Variants in KLHL36 observed in about 807,000 individuals in gnomAD.
KLHL36 encodes the protein kelch-like protein 36.
Under a neutral mutation model 53.3 loss-of-function variants are expected in KLHL36, and 35 were observed. The ratio of observed to expected loss-of-function variants is 0.66; its 90% CI spans 0.50 to 0.87. The LOEUF is 0.87. Among genes scored for constraint, KLHL36 ranks in the 40% least tolerant of loss-of-function variants. The probability of loss-of-function intolerance (pLI) is 0.00; values close to 1 mark genes in which losing one functional copy is unlikely to be tolerated. For missense variants in KLHL36, 864 were observed against 897.6 expected (o/e 0.96, Z 0.48); for synonymous variants, 472 against 398.9 (o/e 1.18, Z -2.18).
chr16:84,652,952 T>C (rs1308457911), intron 2 of KLHL36, among the ~76,000 whole-genome samples: 1 of 152,158 alleles, frequency 6.6e-6, no homozygotes, highest in Non-Finnish European at 1.5e-5. Context: ...GCACAGTGGC[T>C]CACGCCTGTA....
chr16:84,661,342 G>C lies in KLHL36; in HGVS notation c.1296-236G>C, dbSNP rs574552510. Among the ~76,000 whole-genome samples, 225 of 152,308 alleles carry C rather than the reference G, an allele frequency of 1.5e-3. No individual in the cohort carries two copies. The highest frequency in any genetic ancestry group is 3.0e-3 in the Non-Finnish European group (202 of 68,032). ...ATGGGGCAAGGGAGACTCAGAGAGA[G>C]TGAAGCTGGGTTCTGGCCCAGGCGG... On this transcript the variant is annotated intron_variant, in intron 4 of 4. Coordinates refer to ENST00000564996, the MANE Select transcript of KLHL36 (RefSeq NM_024731.4). The surrounding 1 kb of genome is among the most constrained non-coding windows in gnomAD (Gnocchi z 7.9).
Position 84,657,373 on chromosome 16 carries a change from C to T in KLHL36, c.566C>T (p.Ser189Phe), listed in dbSNP as rs1423150742. 1 of 1,610,668 alleles carries T rather than the reference C, an allele frequency of 6.2e-7. No individual in the cohort carries two copies. The highest frequency in any genetic ancestry group is 1.7e-5 in the Admixed American group (1 of 60,030). The change falls in exon 3 of 5, where the codon TCC becomes TTC. Residue 189 changes from serine (S) to phenylalanine (F), a missense_variant. Coordinates refer to ENST00000564996, the MANE Select transcript of KLHL36 (RefSeq NM_024731.4). Reference protein sequence around the residue: ...SFTPDFLQNVSMQKLCVYLSS... With the variant: ...SFTPDFLQNVFMQKLCVYLSS... ...ACGCCCGACTTCCTGCAGAACGTCT[C>T]CATGCAGAAGCTGTGTGTCTACCTG...
chr16:84,659,474 G>A lies in KLHL36; in HGVS notation c.1138-286G>A, dbSNP rs192126040. On this transcript the variant is annotated intron_variant, in intron 3 of 4. Transcript: ENST00000564996. ...GTGACCACAGAGTTCCCATCCACGC[G>A]GCTAACGACATGACCAGAGAAGTTC... 5.7e-5 allele frequency: 21 copies of A among 365,404 alleles called. 1 individual carries two copies. In the Admixed American group the frequency reaches 6.6e-4, roughly 11 times the overall value. The allele number at this position is 365,404 out of a possible 1,614,324, so 22.6% of individuals were successfully genotyped here. A position where few individuals can be genotyped will look rare whatever the true frequency, so the allele number is the denominator to read the frequency against.
rs1055042422 is a variant in KLHL36 at position 84,663,044 on chromosome 16, G to T, written c.*911G>T. 3.3e-5 allele frequency: 5 copies of T among 151,604 alleles called. No individual in the cohort carries two copies. The highest frequency in any genetic ancestry group is 1.5e-5 in the Non-Finnish European group (1 of 67,974). 9.4% of individuals were successfully genotyped at this position (151,604 alleles called of 1,614,324 possible). A position where few individuals can be genotyped will look rare whatever the true frequency, so the allele number is the denominator to read the frequency against. ...ATTTCTCAGGAAAGAAAAAGTGAGT[G>T]CTATGGAATTTGCCATCGTTCTCTG... On this transcript the variant is annotated 3_prime_UTR_variant, in exon 5 of 5. Transcript: ENST00000564996.
Position 84,656,897 on chromosome 16 carries a change from C to T in KLHL36, c.90C>T (p.Ser30=). The part of the protein sequence containing the change: ...SKVYRWADHS[S]TVLQRLNEQR... ...TATACCGCTGGGCCGACCACTCAAGCACGGTGCTGCAGCGGCTGAACGAGC... is the reference window on the plus strand; with the variant it reads ...TATACCGCTGGGCCGACCACTCAAGTACGGTGCTGCAGCGGCTGAACGAGC... Residue 30 remains serine (S), a synonymous_variant, in exon 3 of 5, where the codon AGC becomes AGT. Coordinates refer to ENST00000564996, the MANE Select transcript of KLHL36 (RefSeq NM_024731.4). 2.5e-6 allele frequency: 4 copies of T among 1,611,560 alleles called. No homozygotes were observed. The highest frequency in any genetic ancestry group is 1.1e-5 in the South Asian group (1 of 90,982).
chr16:84,659,784 G>A lies in KLHL36; in HGVS notation c.1162G>A (p.Val388Met). ...IKVASMNQRRVDFYLASIEDM... is the reference protein window; with the variant it reads ...IKVASMNQRRMDFYLASIEDM... The stretch of plus-strand genomic sequence containing the variant: ...GGTGGCCTCCATGAACCAGCGCCGT[G>A]TGGATTTCTACCTTGCCTCCATCGA... The change falls in exon 4 of 5, where the codon GTG becomes ATG. Residue 388 changes from valine (V) to methionine (M), a missense_variant. Val to Met is a conservative substitution (Grantham distance 21, BLOSUM62 1). Transcript: ENST00000564996. 6.2e-7 allele frequency: 1 copy of A among 1,614,182 alleles called. No individual in the cohort carries two copies. The highest frequency in any genetic ancestry group is 1.1e-5 in the South Asian group (1 of 91,082).
rs1416108132 is a variant in KLHL36, at chr16:84,662,983, T to C, written c.*850T>C. ...TTTTTTTTTCTGAACCCACTGTCTTTTATATTACTGATGTACTGAGCTCCC... is the reference window on the plus strand; with the variant it reads ...TTTTTTTTTCTGAACCCACTGTCTTCTATATTACTGATGTACTGAGCTCCC... On this transcript the variant is annotated 3_prime_UTR_variant, in exon 5 of 5. Transcript: ENST00000564996. 6.6e-6 allele frequency: 1 copy of C among 152,100 alleles called. No homozygotes were observed. Among genetic ancestry groups the C allele is most frequent in the Non-Finnish European group, 1.5e-5 (1 of 68,002 alleles). 9.4% of individuals were successfully genotyped at this position (152,100 alleles called of 1,614,324 possible).
intron 1 of KLHL36, among the ~76,000 whole-genome samples, chr16:84,649,981 C>CA: frequency 6.9e-6 from 1 of 145,084 alleles, no homozygotes; most frequent in East Asian, 2.0e-4. Flanking sequence ...CCCCGCCCCC[C>CA]ACACACCAAA....
At chr16:84,659,726 G>C in intron 3 of KLHL36, 34 bp from the exon 4 acceptor site, 1 of 1,605,150 alleles carries the variant, frequency 6.2e-7, no homozygotes, top group Non-Finnish European at 8.5e-7. Context: ...CCCGGGTTCG[G>C]GGAAGGGAAG....
At chr16:84,651,462 T>C (rs1906873649) in intron 2 of KLHL36, among the ~76,000 whole-genome samples, 2 of 152,322 alleles carry the variant, frequency 1.3e-5, no homozygotes, top group East Asian at 3.9e-4. Flanking sequence ...TGTAGCCTGT[T>C]CCCACCAGCC....
In KLHL36 at chr16:84,661,470, C is replaced by A; in HGVS notation, c.1296-108C>A. 1 of 1,155,026 alleles carries A rather than the reference C, an allele frequency of 8.7e-7. No homozygotes were observed. The highest frequency in any genetic ancestry group is 1.2e-6 in the Non-Finnish European group (1 of 816,392). The allele number at this position is 1,155,026 out of a possible 1,614,324, so 71.5% of individuals were successfully genotyped here. On this transcript the variant is annotated intron_variant, in intron 4 of 4. Coordinates refer to ENST00000564996, the MANE Select transcript of KLHL36 (RefSeq NM_024731.4). The surrounding 1 kb of genome is among the most constrained non-coding windows in gnomAD (Gnocchi z 7.9). ...TCATGGGGTGCCCACTCCCTATATT[C>A]TTAAATCCTCATGGCCCTCTAAGAC... is the stretch of plus-strand genomic sequence containing the variant.
chr16:84,659,929 C>G lies in KLHL36; in HGVS notation c.1295+12C>G. ...GCCGGCTTGCCAAGGTGATCTGGGGCTTGGTGGAAGGTTCTCCAAATGGGA... is the reference window on the plus strand; with the variant it reads ...GCCGGCTTGCCAAGGTGATCTGGGGGTTGGTGGAAGGTTCTCCAAATGGGA... On this transcript the variant is annotated intron_variant, in intron 4 of 4. Transcript: ENST00000564996. 6.3e-7 allele frequency: 1 copy of G among 1,599,484 alleles called. No individual in the cohort carries two copies. The highest frequency in any genetic ancestry group is 8.6e-7 in the Non-Finnish European group (1 of 1,168,350).
At chr16:84,656,301 GC>G (rs1907195248) in intron 2 of KLHL36, among the ~76,000 whole-genome samples, 1 of 143,818 alleles carries the variant, frequency 7.0e-6, no homozygotes, top group Non-Finnish European at 1.5e-5. Flanking sequence ...CGGAGTTCTT[GC>G]TCTGTCTCCC....
Position 84,648,709 on chromosome 16 carries a change from G to A in KLHL36, c.-17+60G>A, listed in dbSNP as rs1264303400. 6.8e-6 allele frequency: 1 copy of A among 148,050 alleles called. No homozygotes were observed. The highest frequency in any genetic ancestry group is 2.0e-4 in the South Asian group (1 of 4,914). The allele number at this position is 148,050 out of a possible 1,614,324, so 9.2% of individuals were successfully genotyped here. On this transcript the variant is annotated intron_variant, in intron 1 of 4. Coordinates refer to ENST00000564996, the MANE Select transcript of KLHL36 (RefSeq NM_024731.4). This position sits in a 1 kb window ranked among gnomAD's most constrained non-coding sequence, Gnocchi z 4.9. ...GACCGCCAGGAAGCCGCGCCCGGCCGGGGCGGGGAGCTGGCGGAGATCGGG... is the reference window on the plus strand; with the variant it reads ...GACCGCCAGGAAGCCGCGCCCGGCCAGGGCGGGGAGCTGGCGGAGATCGGG...
rs1442907652 is a variant in KLHL36 at position 84,648,516 on chromosome 16, C to T, written c.-150C>T. On this transcript the variant is annotated 5_prime_UTR_variant, in exon 1 of 5. Coordinates refer to ENST00000564996, the MANE Select transcript of KLHL36 (RefSeq NM_024731.4). This position sits in a 1 kb window ranked among gnomAD's most constrained non-coding sequence, Gnocchi z 4.9. ...CCGCGCGCGCCGCCTCCGCCCTCGG[C>T]CTCGCACTTCCTGGCGGAGCCATGG... 1 of 147,298 alleles carries T rather than the reference C, an allele frequency of 6.8e-6. No individual in the cohort carries two copies. Among genetic ancestry groups the T allele is most frequent in the Admixed American group, 6.8e-5 (1 of 14,752 alleles). The allele number at this position is 147,298 out of a possible 1,614,324, so 9.1% of individuals were successfully genotyped here. A position where few individuals can be genotyped will look rare whatever the true frequency, so the allele number is the denominator to read the frequency against.
chr16:84,654,905 C>T (rs1379765118), intron 2 of KLHL36, among the ~76,000 whole-genome samples: 2 of 152,170 alleles, frequency 1.3e-5, no homozygotes, highest in South Asian at 2.1e-4. Context: ...CCACCACGCC[C>T]GGCTGAGCCT....
chr16:84,651,594 G>A (rs573345541), intron 2 of KLHL36, among the ~76,000 whole-genome samples: 23 of 152,146 alleles, frequency 1.5e-4, no homozygotes, highest in South Asian at 2.1e-4. Context: ...CTGTTTCCCC[G>A]TTATAAATAT....
At chr16:84,650,990 G>T in intron 2 of KLHL36, 60 bp downstream of exon 2, 2 of 1,357,054 alleles carry the variant, frequency 1.5e-6, no homozygotes, top group South Asian at 1.3e-5. Flanking sequence ...TCCTTTTTCT[G>T]ATTCACTCAT....
Position 84,657,334 on chromosome 16 carries a change from G to A in KLHL36, c.527G>A (p.Gly176Asp), listed in dbSNP as rs1367916597. 2 of 1,613,252 alleles carry A rather than the reference G, an allele frequency of 1.2e-6. No homozygotes were observed. Among genetic ancestry groups the A allele is most frequent in the Non-Finnish European group, 1.7e-6 (2 of 1,180,020 alleles). The part of the protein sequence containing the change: ...FIDGFILNHF[G>D]TLSFTPDFLQ... ...GATGGCTTCATCCTGAACCACTTCG[G>A]CACGCTGTCCTTTACGCCCGACTTC... Residue 176 changes from glycine to aspartate, a missense_variant, in exon 3 of 5, where the codon GGC (glycine) becomes GAC (aspartate). Gly to Asp is a moderately conservative substitution (Grantham distance 94). Coordinates refer to ENST00000564996, the MANE Select transcript of KLHL36 (RefSeq NM_024731.4).
Sources: allele counts gnomAD v4.1 joint callset (sites outside exome capture counted in the v4.1 genomes callset), GRCh38; gene constraint gnomAD v4.1.1; non-coding constraint Gnocchi (gnomAD v3.1); transcripts MANE v1.5; gene names NCBI Gene and HGNC (gene_info 2026-07-23, HGNC 2026-07-21).